The following PRKCQ variants were observed in gnomAD, a reference collection of about 807,000 sequenced individuals.
PRKCQ encodes the protein protein kinase C theta, also known as protein kinase C theta type.
A neutral mutation model predicts 91.2 loss-of-function variants in PRKCQ; 41 were observed. The ratio of observed to expected loss-of-function variants is 0.45; its 90% CI spans 0.35 to 0.58. The LOEUF (loss-of-function observed/expected upper bound fraction) is 0.58, where lower values mean the gene tolerates loss of function less well. Ranked by LOEUF, PRKCQ falls within the 20% of genes least tolerant of loss-of-function variation. The pLI, the probability that PRKCQ is intolerant of heterozygous loss-of-function variation, is 0.00. For missense variants in PRKCQ, 673 were observed against 896.5 expected (o/e 0.75, Z 3.18); for synonymous variants, 307 against 316.9 (o/e 0.97, Z 0.33).
intron 1 of PRKCQ, among the ~76,000 whole-genome samples, chr10:6,535,722 T>C (rs576246047): frequency 6.6e-6 from 1 of 152,248 alleles, no homozygotes; most frequent in South Asian, 2.1e-4. Context: ...TCTTGGTCTT[T>C]TGAAGTCTCC....
chr10:6,477,595 C>T (rs113878603), intron 12 of PRKCQ, among the ~76,000 whole-genome samples: 97 of 152,290 alleles, frequency 6.4e-4, no homozygotes, highest in African/African-American at 2.0e-3. Context: ...GGGCTGGGTG[C>T]GTTGGCTCAC....
intron 16 of PRKCQ, among the ~76,000 whole-genome samples, chr10:6,432,157 A>T (rs1693175212): frequency 6.6e-6 from 1 of 152,194 alleles, no homozygotes; most frequent in Admixed American, 6.5e-5. Context: ...AACAGAAAAC[A>T]TGGTGGAACG....
intron 1 of PRKCQ, among the ~76,000 whole-genome samples, chr10:6,523,270 C>A (rs1839082726): frequency 6.6e-6 from 1 of 151,962 alleles, no homozygotes; most frequent in Admixed American, 6.6e-5. Flanking sequence ...AGGAACAATG[C>A]AAGACCCTGT....
chr10:6,534,138 G>C (rs1248643776), intron 1 of PRKCQ, among the ~76,000 whole-genome samples: 2 of 151,984 alleles, frequency 1.3e-5, no homozygotes, highest in Non-Finnish European at 2.9e-5. Flanking sequence ...GAAAAAATGG[G>C]CAAAGGCTAA....
At chr10:6,556,964 C>A (rs934807870) in intron 1 of PRKCQ, among the ~76,000 whole-genome samples, 4 of 152,164 alleles carry the variant, frequency 2.6e-5, no homozygotes, top group Admixed American at 6.5e-5. Flanking sequence ...TCTAGTTCTT[C>A]CCTGAATGCC....
At chr10:6,521,753 T>A (rs997668682) in intron 1 of PRKCQ, among the ~76,000 whole-genome samples, 3 of 152,172 alleles carry the variant, frequency 2.0e-5, no homozygotes, top group African/African-American at 7.2e-5. Flanking sequence ...ACCCTCCATC[T>A]ATCTCTTGCA....
intron 12 of PRKCQ, among the ~76,000 whole-genome samples, chr10:6,468,943 C>T (rs1260440575): frequency 6.6e-6 from 1 of 152,148 alleles, no homozygotes; most frequent in South Asian, 2.1e-4. Context: ...GGGGAGCTAT[C>T]GTTCATATTT....
chr10:6,543,450 A>G (rs559501771), intron 1 of PRKCQ, among the ~76,000 whole-genome samples: 1 of 152,204 alleles, frequency 6.6e-6, no homozygotes, highest in African/African-American at 2.4e-5. Context: ...AGGAGGGAGG[A>G]AGAAGTCAGA....
chr10:6,404,494 C>G, the PRKCQ span, among the ~76,000 whole-genome samples: 1 of 129,202 alleles, frequency 7.7e-6, no homozygotes, highest in African/African-American at 2.8e-5. Flanking sequence ...TTCTCTCTTT[C>G]CTTTCTTTCT....
chr10:6,568,242 A>AAAAC (rs1840904420), intron 1 of PRKCQ, among the ~76,000 whole-genome samples: 1 of 152,070 alleles, frequency 6.6e-6, no homozygotes, highest in African/African-American at 2.4e-5. Flanking sequence ...AAAACAAAAC[A>AAAAC]AAAACAAAAA....
At chr10:6,519,190 C>T (rs973230494) in intron 1 of PRKCQ, among the ~76,000 whole-genome samples, 1 of 152,118 alleles carries the variant, frequency 6.6e-6, no homozygotes, top group African/African-American at 2.4e-5. Flanking sequence ...AGGGGATTTC[C>T]CTGGGTGTTT....
intron 1 of PRKCQ, among the ~76,000 whole-genome samples, chr10:6,518,955 T>C (rs940570843): frequency 1.3e-5 from 2 of 152,262 alleles, no homozygotes; most frequent in African/African-American, 4.8e-5. Flanking sequence ...TTTCATACAA[T>C]GCTGCTGGGT....
chr10:6,488,882 C>T (rs1837095192), intron 8 of PRKCQ, among the ~76,000 whole-genome samples: 1 of 152,020 alleles, frequency 6.6e-6, no homozygotes, highest in Non-Finnish European at 1.5e-5. Context: ...TGGGTTCAAG[C>T]CATCCTCTTG....
At chr10:6,424,426 C>A (rs374059762), downstream of PRKCQ, among the ~76,000 whole-genome samples, 1 of 152,186 alleles carries the variant, frequency 6.6e-6, no homozygotes, top group Non-Finnish European at 1.5e-5. Context: ...CCCGCCCATG[C>A]TCAGTCCTCT....
At chr10:6,467,086 T>C (rs1310566579) in intron 12 of PRKCQ, among the ~76,000 whole-genome samples, 1 of 152,010 alleles carries the variant, frequency 6.6e-6, no homozygotes, top group Non-Finnish European at 1.5e-5. Context: ...AATTGATAAC[T>C]GATGGCAGCT....
chr10:6,448,584 A>AT, intron 15 of PRKCQ, among the ~76,000 whole-genome samples: 2 of 151,848 alleles, frequency 1.3e-5, no homozygotes, highest in East Asian at 3.9e-4. Context: ...AATTTTTTAT[A>AT]TTTTAGTAGA....
the PRKCQ span, among the ~76,000 whole-genome samples, chr10:6,404,816 ATTCT>A: frequency 3.1e-5 from 2 of 64,150 alleles, no homozygotes; most frequent in African/African-American, 1.3e-4. Flanking sequence ...TCTCTCTTTC[ATTCT>A]TTCTTTCCTT....
chr10:6,471,792 AAAAC>A (rs1402651560), intron 12 of PRKCQ, among the ~76,000 whole-genome samples: 1 of 152,024 alleles, frequency 6.6e-6, no homozygotes, highest in Non-Finnish European at 1.5e-5. Flanking sequence ...ACAACAACAA[AAAAC>A]AAAAGAGGGA....
intron 1 of PRKCQ, among the ~76,000 whole-genome samples, chr10:6,534,385 T>C (rs1010058325): frequency 6.6e-6 from 1 of 152,214 alleles, no homozygotes; most frequent in Admixed American, 6.5e-5. Flanking sequence ...ACATGACTCT[T>C]AATATCCTTC....
Sources: allele counts gnomAD v4.1 joint callset (sites outside exome capture counted in the v4.1 genomes callset), GRCh38; gene constraint gnomAD v4.1.1; transcripts MANE v1.5; gene names NCBI Gene and HGNC (gene_info 2026-07-23, HGNC 2026-07-21).